Variants in CDC40 observed in about 807,000 individuals in gnomAD.
The protein encoded by CDC40 is pre-mRNA-processing factor 17.
A neutral mutation model predicts 80.6 loss-of-function variants in CDC40; 27 were observed. The ratio of observed to expected loss-of-function variants is 0.33; its 90% CI spans 0.25 to 0.46. CDC40 has a LOEUF of 0.46. CDC40 is among the 20% of genes least tolerant of loss of function. CDC40 has a pLI of 1.00. For synonymous variants in CDC40, 221 were observed against 232.6 expected (o/e 0.95, Z 0.45); for missense variants, 486 against 694.1 (o/e 0.70, Z 3.37).
chr6:110,201,412 C>T (rs1309525455), intron 2 of CDC40, 146 bp from the exon 3 acceptor site: 10 of 506,890 alleles, frequency 2.0e-5, no homozygotes, highest in South Asian at 3.2e-5. Context: ...TGCCCAGCTG[C>T]ACTGAACCGT....
At chr6:110,202,959 T>C (rs754080480) in intron 3 of CDC40, among the ~76,000 whole-genome samples, 3 of 152,200 alleles carry the variant, frequency 2.0e-5, no homozygotes, top group South Asian at 2.1e-4. Flanking sequence ...AATTTGGGGC[T>C]ATAGTATATT....
rs1371703200 is a variant in CDC40 at position 110,230,690 on chromosome 6, C to CT, written c.*562dup. ...ATATTTTTAGTTGTAAAGCAGTAAT[C>CT]TTTAACTGTAGCATTCCTCTAATTA... On this transcript the variant is annotated 3_prime_UTR_variant, in exon 15 of 15. Transcript: ENST00000307731. The CT allele has an allele frequency of 6.6e-6, 1 of 151,538 alleles. No homozygotes were observed. The highest frequency in any genetic ancestry group is 1.5e-5 in the Non-Finnish European group (1 of 68,672). The allele number at this position is 151,538 out of a possible 1,614,324, so 9.4% of individuals were successfully genotyped here.
intron 9 of CDC40, 135 bp downstream of exon 9, chr6:110,215,466 A>T (rs1030448815): frequency 1.4e-6 from 1 of 726,656 alleles, no homozygotes; most frequent in African/African-American, 1.8e-5. Context: ...AGGAGGAGTC[A>T]GTGTCCCCAG....
At chr6:110,191,329 T>G (rs1458123555) in intron 1 of CDC40, among the ~76,000 whole-genome samples, 2 of 152,226 alleles carry the variant, frequency 1.3e-5, no homozygotes, top group East Asian at 3.9e-4. Context: ...GCAGAATGTC[T>G]GATGTTACTT....
chr6:110,189,343 G>A (rs1189601259), intron 1 of CDC40, among the ~76,000 whole-genome samples: 1 of 152,010 alleles, frequency 6.6e-6, no homozygotes. Flanking sequence ...ACTCCACAAG[G>A]GCAGGTATCT....
chr6:110,209,261 C>A (rs760629376), intron 5 of CDC40, 38 bp downstream of exon 5: 41 of 1,559,086 alleles, frequency 2.6e-5, no homozygotes, highest in Non-Finnish European at 2.7e-6. Flanking sequence ...TTCAGGTATA[C>A]GCTGTATCTC....
intron 4 of CDC40, 78 bp from the exon 5 acceptor site, chr6:110,209,006 T>C (rs1777598109): frequency 3.4e-6 from 3 of 877,826 alleles, no homozygotes; most frequent in Non-Finnish European, 5.2e-6. Context: ...AAATTAAACA[T>C]ATGTTCATAT....
In CDC40 at chr6:110,215,328, A is replaced by G; in HGVS notation, c.985A>G (p.Ile329Val). 6.2e-7 allele frequency: 1 copy of G among 1,612,166 alleles called. No homozygotes were observed. The highest frequency in any genetic ancestry group is 8.5e-7 in the Non-Finnish European group (1 of 1,178,316). ...AGAACGGCGCTGTCTGAGAACATTT[A>G]TTGGTAATGCTTCTTTTCTCTCCAA... is the stretch of plus-strand genomic sequence containing the variant. The part of the protein sequence containing the change: ...YGERRCLRTF[I>V]GHSKAVRDIC... The change falls in exon 9 of 15, where the codon ATT becomes GTT. Residue 329 changes from isoleucine (I) to valine (V), a missense_variant. Around this residue, in one of 3 missense-constraint regions of CDC40, gnomAD observed 381 missense variants for 492.1 expected, o/e 0.77. Transcript: ENST00000307731.
chr6:110,180,451 G>C lies in CDC40; in HGVS notation c.7G>C (p.Ala3Pro). The C allele has an allele frequency of 6.2e-7, 1 of 1,614,074 alleles. No individual in the cohort carries two copies. The highest frequency in any genetic ancestry group is 8.5e-7 in the Non-Finnish European group (1 of 1,180,004). ...CAGAAGATTTGTTGCCGTCATGTCG[G>C]CTGCGATTGCAGCTCTGGCCGCTTC... MS[A>P]AIAALAASYG... Residue 3 changes from alanine (A) to proline (P), a missense_variant, in exon 1 of 15, where the codon GCT (alanine) becomes CCT (proline). Transcript: ENST00000307731.
At chr6:110,185,893 T>A (rs1562198449) in intron 1 of CDC40, among the ~76,000 whole-genome samples, 1 of 152,208 alleles carries the variant, frequency 6.6e-6, no homozygotes, top group Non-Finnish European at 1.5e-5. Flanking sequence ...TTTGGATTTT[T>A]AAAATCATTA....
At chr6:110,196,504 T>C (rs1203897832) in intron 2 of CDC40, among the ~76,000 whole-genome samples, 1 of 152,180 alleles carries the variant, frequency 6.6e-6, no homozygotes, top group Non-Finnish European at 1.5e-5. Flanking sequence ...AATTAGCTTC[T>C]ATAAACTCAT....
Position 110,193,737 on chromosome 6 carries a change from G to C in CDC40, c.276+469G>C, listed in dbSNP as rs186236127. Among the ~76,000 whole-genome samples, 688 of 152,190 alleles carry C rather than the reference G, an allele frequency of 4.5e-3. 1 individual carries two copies. The highest frequency in any genetic ancestry group is 7.1e-3 in the Non-Finnish European group (486 of 67,984). ...CATCCTTCTATTCTCCAAAAGTTCAGGTAGTGTGCTTTTGTGAAAATACTT... is the reference window on the plus strand; with the variant it reads ...CATCCTTCTATTCTCCAAAAGTTCACGTAGTGTGCTTTTGTGAAAATACTT... On this transcript the variant is annotated intron_variant, in intron 2 of 14. Transcript: ENST00000307731.
intron 5 of CDC40, among the ~76,000 whole-genome samples, 182 bp from the exon 6 acceptor site, chr6:110,210,525 C>T (rs1189161162): frequency 7.0e-6 from 1 of 142,774 alleles, no homozygotes; most frequent in Admixed American, 7.2e-5. Flanking sequence ...GCACTCCAGC[C>T]TGGGCGACAG....
At chr6:110,195,429 C>G (rs1456836289) in intron 2 of CDC40, among the ~76,000 whole-genome samples, 1 of 152,062 alleles carries the variant, frequency 6.6e-6, no homozygotes, top group Non-Finnish European at 1.5e-5. Context: ...TAAAAATTCC[C>G]TGAAAGAAGT....
chr6:110,224,923 C>CT (rs1367145621), intron 12 of CDC40, among the ~76,000 whole-genome samples: 1 of 152,094 alleles, frequency 6.6e-6, no homozygotes, highest in Non-Finnish European at 1.5e-5. Flanking sequence ...AATTATTAAC[C>CT]ACTAACAATA....
intron 1 of CDC40, among the ~76,000 whole-genome samples, chr6:110,188,538 T>C (rs1038214606): frequency 1.3e-5 from 2 of 152,156 alleles, no homozygotes; most frequent in African/African-American, 4.8e-5. Flanking sequence ...GGGTCTTAAT[T>C]TGAAGAACAT....
intron 10 of CDC40, 132 bp from the exon 11 acceptor site, chr6:110,219,232 T>C (rs551581257): frequency 2.1e-6 from 1 of 471,142 alleles, no homozygotes; most frequent in Admixed American, 3.9e-5. Flanking sequence ...ACAAATGTAG[T>C]TTACAGTAAA....
At chr6:110,213,395 G>GTT (rs567826733) in intron 8 of CDC40, among the ~76,000 whole-genome samples, 8 of 135,082 alleles carry the variant, frequency 5.9e-5, no homozygotes, top group South Asian at 2.3e-4. Flanking sequence ...TTGTTTTTTT[G>GTT]TTTTTTTTTT....
intron 3 of CDC40, among the ~76,000 whole-genome samples, chr6:110,204,608 A>C (rs1171856403): frequency 6.6e-6 from 1 of 151,918 alleles, no homozygotes; most frequent in Non-Finnish European, 1.5e-5. Context: ...GCTTTCCAAA[A>C]GAATTCTCTC....
Sources: allele counts gnomAD v4.1 joint callset (sites outside exome capture counted in the v4.1 genomes callset), GRCh38; gene constraint gnomAD v4.1.1; regional missense constraint gnomAD v4.1.1; transcripts MANE v1.5; gene names NCBI Gene and HGNC (gene_info 2026-07-23, HGNC 2026-07-21).